Variants in EDDM13 observed in about 807,000 individuals in gnomAD.
The protein encoded by EDDM13 is epididymal protein 13.
Under a neutral mutation model 17.8 loss-of-function variants are expected in EDDM13, and 24 were observed. The ratio of observed to expected loss-of-function variants is 1.35; its 90% confidence interval spans 0.98 to 1.90. The LOEUF (loss-of-function observed/expected upper bound fraction) is 1.90. EDDM13 is among the 40% of genes most tolerant of loss of function. The pLI, the probability that EDDM13 is intolerant of heterozygous loss-of-function variation, is 0.00. For synonymous variants in EDDM13, 31 were observed against 37.5 expected, an observed-to-expected ratio of 0.83 and a Z score of 0.63; for missense variants, 97 against 100.8, an observed-to-expected ratio of 0.96 and a Z score of 0.16.
At chr19:56,301,660 C>T (rs540321658) in intron 12 of EDDM13, among the ~76,000 whole-genome samples, 55 of 152,230 alleles carry the variant, frequency 3.6e-4, no homozygotes, top group East Asian at 7.7e-4. Context: ...CTATTCAAGA[C>T]GGAGTCACTC....
At chr19:56,285,648 T>C (rs1272755917) in intron 6 of EDDM13, among the ~76,000 whole-genome samples, 1 of 152,178 alleles carries the variant, frequency 6.6e-6, no homozygotes, top group African/African-American at 2.4e-5. Flanking sequence ...ATTATTATTA[T>C]TTTTGTATTT....
chr19:56,303,269 G>A (rs1453843568), intron 13 of EDDM13, among the ~76,000 whole-genome samples: 1 of 151,970 alleles, frequency 6.6e-6, no homozygotes, highest in African/African-American at 2.4e-5. Context: ...CACGAGGTCA[G>A]GAGTTCAAGA....
chr19:56,302,397 ATTC>A (rs570935980), intron 13 of EDDM13, among the ~76,000 whole-genome samples: 135 of 98,064 alleles, frequency 1.4e-3, no homozygotes, highest in Non-Finnish European at 2.1e-3. Context: ...CTCCCTCCCT[ATTC>A]TTTCCTCCTC....
intron 1 of EDDM13, among the ~76,000 whole-genome samples, chr19:56,274,274 C>T (rs1477472303): frequency 1.3e-5 from 2 of 151,762 alleles, no homozygotes; most frequent in African/African-American, 2.4e-5. Context: ...GCCAACATGG[C>T]GAAACCCCAT....
intron 5 of EDDM13, among the ~76,000 whole-genome samples, chr19:56,284,536 A>ATTTTT: frequency 4.5e-5 from 2 of 44,670 alleles, no homozygotes; most frequent in Non-Finnish European, 7.5e-5. Context: ...TTTTTTTTTG[A>ATTTTT]GACAGTCTTG....
intron 6 of EDDM13, among the ~76,000 whole-genome samples, 199 bp from the exon 7 acceptor site, chr19:56,288,186 G>C (rs553458761): frequency 9.8e-5 from 15 of 152,288 alleles, no homozygotes; most frequent in South Asian, 4.1e-4. Flanking sequence ...CTGCCTCACT[G>C]AGCTCCAGAT....
chr19:56,302,529 CCTCT>C (rs200461186), intron 13 of EDDM13, among the ~76,000 whole-genome samples: 42,034 of 92,062 alleles, frequency 0.46, 10,346 homozygotes, highest in Non-Finnish European at 0.57. Flanking sequence ...TCCCTCCCTC[CCTCT>C]TCTTCCTCCC....
intron 1 of EDDM13, chr19:56,274,587 A>AGCT (rs2038112962): frequency 6.6e-6 from 1 of 152,304 alleles, no homozygotes; most frequent in Admixed American, 6.5e-5. Flanking sequence ...CAGTTATCTC[A>AGCT]GCTGTTAACA....
intron 8 of EDDM13, among the ~76,000 whole-genome samples, chr19:56,290,385 C>T (rs76605981): frequency 0.013 from 2,022 of 152,318 alleles, 60 homozygotes; most frequent in African/African-American, 0.046. Flanking sequence ...GCCATGTGGC[C>T]TGCAAAGCCT....
chr19:56,306,348 A>G (rs2040688784), intron 14 of EDDM13, among the ~76,000 whole-genome samples: 2 of 119,564 alleles, frequency 1.7e-5, no homozygotes, highest in African/African-American at 3.1e-5. Context: ...TTCCCTTGAT[A>G]GCTACAAAGA....
intron 13 of EDDM13, among the ~76,000 whole-genome samples, chr19:56,304,127 G>A (rs761172463): frequency 5.9e-5 from 9 of 152,216 alleles, no homozygotes; most frequent in Non-Finnish European, 8.8e-5. Context: ...GAATCAGGGC[G>A]AGAGTGGGAG....
intron 11 of EDDM13, 174 bp downstream of exon 11, chr19:56,296,536 C>A (rs1458139754): frequency 1.3e-5 from 2 of 151,970 alleles, no homozygotes; most frequent in Non-Finnish European, 2.9e-5. Context: ...CAGATATTAA[C>A]TGATGTTAGC....
intron 13 of EDDM13, 157 bp from the exon 14 acceptor site, chr19:56,304,636 C>G (rs748788053): frequency 7.6e-5 from 17 of 223,450 alleles, no homozygotes; most frequent in Admixed American, 1.3e-4. Flanking sequence ...AATAGAGAAG[C>G]AAGACCAGAA....
intron 2 of EDDM13, among the ~76,000 whole-genome samples, chr19:56,278,305 T>C (rs545966483): frequency 2.5e-4 from 38 of 152,318 alleles, no homozygotes; most frequent in Admixed American, 2.0e-3. Context: ...GGCTAATTTT[T>C]GTATATTTAG....
intron 2 of EDDM13, among the ~76,000 whole-genome samples, chr19:56,276,349 G>A (rs1213168140): frequency 6.6e-6 from 1 of 152,022 alleles, no homozygotes; most frequent in African/African-American, 2.4e-5. Context: ...AGGCCTATTC[G>A]GAAAATGAAG....
At chr19:56,274,257 C>A (rs1384616685) in intron 1 of EDDM13, among the ~76,000 whole-genome samples, 1 of 152,104 alleles carries the variant, frequency 6.6e-6, no homozygotes, top group African/African-American at 2.4e-5. Flanking sequence ...AGCTCAAGAC[C>A]AGCCTGGCCA....
intron 14 of EDDM13, among the ~76,000 whole-genome samples, chr19:56,305,112 T>A (rs1449793042): frequency 6.6e-6 from 1 of 152,192 alleles, no homozygotes; most frequent in Non-Finnish European, 1.5e-5. Context: ...TTAGGACTTG[T>A]GGCCCAACAC....
At chr19:56,283,868 G>A (rs1205204734) in intron 4 of EDDM13, 1 of 152,180 alleles carries the variant, frequency 6.6e-6, no homozygotes, top group Non-Finnish European at 1.5e-5. Context: ...GGCAATAAAG[G>A]ATCATCTTTT....
chr19:56,305,464 CTT>C (rs1347239170), intron 14 of EDDM13, among the ~76,000 whole-genome samples: 1 of 152,222 alleles, frequency 6.6e-6, no homozygotes, highest in Non-Finnish European at 1.5e-5. Flanking sequence ...ACATAGCACA[CTT>C]TGTTTATCCA....
Sources: gnomAD v4.1 joint callset for allele counts (sites outside exome capture counted in the v4.1 genomes callset) on GRCh38, gnomAD v4.1.1 for gene constraint, MANE v1.5 for transcripts, NCBI Gene and HGNC (gene_info 2026-07-23, HGNC 2026-07-21) for gene names.